OR1L8: variants seen among roughly 807,000 people sequenced by gnomAD.
OR1L8 encodes the protein olfactory receptor family 1 subfamily L member 8, also known as olfactory receptor 1L8.
For synonymous variants in OR1L8, 148 were observed against 147.0 expected (o/e 1.01, Z -0.05); for missense variants, 330 against 377.4 (o/e 0.87, Z 1.04).
chr9:122,556,637 A>T, the OR1L8 span, among the ~76,000 whole-genome samples: 9 of 152,160 alleles, frequency 5.9e-5, no homozygotes, highest in African/African-American at 2.2e-4. Flanking sequence ...ATACCTATGT[A>T]ACAAACCTAC....
At chr9:122,563,387 G>A (rs1020445954), downstream of OR1L8, among the ~76,000 whole-genome samples, 1 of 152,090 alleles carries the variant, frequency 6.6e-6, no homozygotes. Flanking sequence ...CCATAAGCTT[G>A]TTGACCATAT....
At chr9:122,554,757 T>G in the OR1L8 span, among the ~76,000 whole-genome samples, 2 of 152,226 alleles carry the variant, frequency 1.3e-5, no homozygotes, top group Non-Finnish European at 2.9e-5. Flanking sequence ...AATTAATATA[T>G]GTTATGGTAT....
the OR1L8 span, among the ~76,000 whole-genome samples, chr9:122,557,378 T>A: frequency 6.6e-6 from 1 of 152,226 alleles, no homozygotes; most frequent in East Asian, 1.9e-4. Flanking sequence ...ATATCCTTTA[T>A]CTCTCTATTC....
intron 3 of OR1L8, among the ~76,000 whole-genome samples, chr9:122,574,498 T>G (rs190491897): frequency 6.6e-6 from 1 of 152,164 alleles, no homozygotes; most frequent in South Asian, 2.1e-4. Flanking sequence ...ACTTGTTTGT[T>G]GCTAATATTT....
At chr9:122,574,519 TG>T (rs1829607766) in intron 3 of OR1L8, among the ~76,000 whole-genome samples, 1 of 152,148 alleles carries the variant, frequency 6.6e-6, no homozygotes, top group Non-Finnish European at 1.5e-5. Flanking sequence ...AAGAGAACAA[TG>T]GCTTTTGTAT....
downstream of OR1L8, among the ~76,000 whole-genome samples, chr9:122,564,877 A>G (rs991049941): frequency 6.6e-6 from 1 of 152,246 alleles, no homozygotes; most frequent in African/African-American, 2.4e-5. Flanking sequence ...GTCATAATCA[A>G]GTTCACAGAA....
chr9:122,570,495 C>A (rs1829526561), intron 4 of OR1L8, among the ~76,000 whole-genome samples: 1 of 152,046 alleles, frequency 6.6e-6, no homozygotes, highest in African/African-American at 2.4e-5. Context: ...TACTAAACAC[C>A]TTTAAATCTC....
At position 122,568,054 on chromosome 9, in the gene OR1L8, A is replaced by G. The variant is rs1188949400; in HGVS notation, c.424T>C (p.Cys142Arg). The G allele has an allele frequency of 6.2e-7, 1 of 1,614,040 alleles. No homozygotes were observed. ...CAGGAGAAGGCCACCAGCAGGACACAGTGGTGGTGGCTCATGGTGGTGACA... is the reference window on the plus strand; with the variant it reads ...CAGGAGAAGGCCACCAGCAGGACACGGTGGTGGTGGCTCATGGTGGTGACA... ...HYVTTMSHHH[C>R]VLLVAFSCSF... Residue 142 changes from cysteine to arginine, a missense_variant, in exon 5 of 5, where the codon TGT (cysteine) becomes CGT (arginine). By Grantham distance (180) the Cys-to-Arg change is radical (BLOSUM62 -3). Transcript: ENST00000641027.
At chr9:122,567,072 A>T (rs1425081178), downstream of OR1L8, 1 of 152,352 alleles carries the variant, frequency 6.6e-6, no homozygotes, top group Non-Finnish European at 1.5e-5. Context: ...AAAATAAAAA[A>T]TTATAAAAAT....
At chr9:122,571,030 T>C (rs1252998991) in intron 4 of OR1L8, among the ~76,000 whole-genome samples, 2 of 152,224 alleles carry the variant, frequency 1.3e-5, no homozygotes, top group Non-Finnish European at 2.9e-5. Flanking sequence ...GGTAAAGCTA[T>C]ACATATCTTA....
the OR1L8 span, among the ~76,000 whole-genome samples, chr9:122,552,508 G>A: frequency 6.6e-6 from 1 of 152,176 alleles, no homozygotes; most frequent in Non-Finnish European, 1.5e-5. Flanking sequence ...TGATGGAAGG[G>A]AGAGAGTGGC....
At chr9:122,570,829 A>G (rs999771627) in intron 4 of OR1L8, among the ~76,000 whole-genome samples, 6 of 152,204 alleles carry the variant, frequency 3.9e-5, no homozygotes, top group African/African-American at 1.2e-4. Context: ...ACAAATATTT[A>G]TTGAAAATGT....
the OR1L8 span, among the ~76,000 whole-genome samples, chr9:122,550,486 C>G: frequency 6.6e-6 from 1 of 150,936 alleles, no homozygotes; most frequent in Non-Finnish European, 1.5e-5. Context: ...ACAATAGATG[C>G]AAAAATTCTC....
At chr9:122,564,559 A>C (rs983628059), downstream of OR1L8, among the ~76,000 whole-genome samples, 1 of 152,188 alleles carries the variant, frequency 6.6e-6, no homozygotes, top group Non-Finnish European at 1.5e-5. Context: ...GGTGATCCCC[A>C]CCACATCCCT....
At chr9:122,569,617 A>C (rs1407182530) in intron 4 of OR1L8, among the ~76,000 whole-genome samples, 1 of 152,220 alleles carries the variant, frequency 6.6e-6, no homozygotes, top group Non-Finnish European at 1.5e-5. Context: ...TAAAATCTCT[A>C]CAGTGAACAT....
intron 1 of OR1L8, among the ~76,000 whole-genome samples, chr9:122,582,402 C>G (rs1236794449): frequency 2.0e-5 from 3 of 151,990 alleles, no homozygotes; most frequent in Non-Finnish European, 2.9e-5. Flanking sequence ...AGATAAAGTT[C>G]CAAAATTTAT....
the OR1L8 span, among the ~76,000 whole-genome samples, chr9:122,556,575 T>C: frequency 6.6e-6 from 1 of 152,090 alleles, no homozygotes; most frequent in Admixed American, 6.6e-5. Flanking sequence ...CATGCGGGGC[T>C]TAAAGCCTAG....
chr9:122,569,659 C>T (rs1474752281), intron 4 of OR1L8, among the ~76,000 whole-genome samples: 1 of 150,380 alleles, frequency 6.6e-6, no homozygotes, highest in African/African-American at 2.4e-5. Flanking sequence ...GAAACAACTT[C>T]ATTTTATTTT....
the OR1L8 span, among the ~76,000 whole-genome samples, chr9:122,554,381 T>C: frequency 6.6e-6 from 1 of 152,090 alleles, no homozygotes; most frequent in Non-Finnish European, 1.5e-5. Context: ...GAGGCAACCA[T>C]TACTAACAGC....
Sources: gnomAD v4.1 joint callset for allele counts (sites outside exome capture counted in the v4.1 genomes callset) on GRCh38, gnomAD v4.1.1 for gene constraint, MANE v1.5 for transcripts, NCBI Gene and HGNC (gene_info 2026-07-23, HGNC 2026-07-21) for gene names.